The following MYH14 variants were observed in gnomAD, a reference collection of about 807,000 sequenced individuals.
MYH14 encodes myosin heavy chain 14.
A neutral mutation model predicts 255.5 loss-of-function variants in MYH14; 123 were observed. That is an observed-to-expected ratio of 0.48 (90% confidence interval 0.42 to 0.56). The LOEUF is 0.56. Among genes scored for constraint, MYH14 ranks in the 20% least tolerant of loss-of-function variants. The pLI is 0.00. For synonymous variants in MYH14, 1,095 were observed against 1,161.2 expected (o/e 0.94, Z 1.16); for missense variants, 2,423 against 2,802.3 (o/e 0.86, Z 3.06).
rs1049188771 is a variant in MYH14 at position 50,309,052 on chromosome 19, G to A, written c.5835G>A (p.Glu1945=). The change falls in exon 42 of 43, where the codon GAG becomes GAA. Residue 1945 remains glutamate, a synonymous_variant. Transcript: ENST00000642316. ...TCAAGCAGCTGAAGCGGCAGCTGGAGGAGGCCGAGGAGGAGGCATCCCGGG... is the reference window on the plus strand; with the variant it reads ...TCAAGCAGCTGAAGCGGCAGCTGGAAGAGGCCGAGGAGGAGGCATCCCGGG... The part of the protein sequence containing the change: ...LRVKQLKRQL[E]EAEEEASRAQ... 2 of 1,613,714 alleles carry A rather than the reference G, an allele frequency of 1.2e-6. No homozygotes were observed. Among genetic ancestry groups the A allele is most frequent in the Non-Finnish European group, 8.5e-7 (1 of 1,179,772 alleles).
At chr19:50,209,152 C>T (rs964956044) in intron 1 of MYH14, among the ~76,000 whole-genome samples, 2 of 152,008 alleles carry the variant, frequency 1.3e-5, no homozygotes, top group Non-Finnish European at 2.9e-5. Context: ...AGTGAAACCT[C>T]ATCTCAAAAT....
intron 40 of MYH14, 103 bp downstream of exon 40, chr19:50,301,972 G>C: frequency 2.1e-6 from 2 of 939,118 alleles, no homozygotes; most frequent in South Asian, 1.5e-5. Flanking sequence ...ACATCCAAAA[G>C]ACATCATCAT....
chr19:50,220,135 C>T (rs1240546982), intron 3 of MYH14, among the ~76,000 whole-genome samples: 2 of 152,022 alleles, frequency 1.3e-5, no homozygotes, highest in African/African-American at 2.4e-5. Flanking sequence ...CCCATCGGTG[C>T]CGCTCGCCAT....
chr19:50,228,552 C>G (rs377675048), intron 8 of MYH14, among the ~76,000 whole-genome samples: 34 of 152,088 alleles, frequency 2.2e-4, no homozygotes, highest in African/African-American at 7.7e-4. Flanking sequence ...CCCCAAGTCC[C>G]CAGCAGCACC....
chr19:50,282,696 C>T (rs771208998), intron 33 of MYH14, among the ~76,000 whole-genome samples: 9 of 151,754 alleles, frequency 5.9e-5, no homozygotes, highest in Non-Finnish European at 1.0e-4. Context: ...GAGCAAGACT[C>T]CATCTCAAAA....
rs1455755094 is a variant in MYH14 at position 50,257,321 on chromosome 19, A to G, written c.2067A>G (p.Glu689=). Reference sequence around the variant, plus strand: ...CAGTGGAGGGCATCGTGGGGCTGGAACAGGTGAGCAGCCTGGGCGACGGCC... The same window carrying G: ...CAGTGGAGGGCATCGTGGGGCTGGAGCAGGTGAGCAGCCTGGGCGACGGCC... ...PPGVEGIVGL[E]QVSSLGDGPP... Residue 689 remains glutamate (E), a synonymous_variant, in exon 18 of 43, where the codon GAA becomes GAG. Transcript: ENST00000642316. 25 of 1,607,576 alleles carry G rather than the reference A, an allele frequency of 1.6e-5. No individual in the cohort carries two copies. Among genetic ancestry groups the G allele is most frequent in the Non-Finnish European group, 2.1e-5 (25 of 1,176,472 alleles).
At chr19:50,243,738 T>G (rs1318239636) in intron 10 of MYH14, among the ~76,000 whole-genome samples, 1 of 152,240 alleles carries the variant, frequency 6.6e-6, no homozygotes, top group Non-Finnish European at 1.5e-5. Flanking sequence ...CAGCATTGTT[T>G]GTTTGCCTCC....
intron 39 of MYH14, among the ~76,000 whole-genome samples, chr19:50,296,980 T>TGTTTGTTTG (rs1255313033): frequency 1.5e-5 from 1 of 64,754 alleles, no homozygotes; most frequent in Non-Finnish European, 4.3e-5. Flanking sequence ...TTCTCTCTGT[T>TGTTTGTTTG]TTTTTTTGTT....
chr19:50,233,595 T>C (rs1346790461), intron 10 of MYH14, among the ~76,000 whole-genome samples: 2 of 152,160 alleles, frequency 1.3e-5, no homozygotes, highest in Non-Finnish European at 2.9e-5. Context: ...ATTGATTGTC[T>C]TGTGGTTCTG....
chr19:50,281,673 G>T lies in MYH14; in HGVS notation c.4370G>T (p.Arg1457Leu). 6.2e-7 allele frequency: 1 copy of T among 1,610,450 alleles called. No homozygotes were observed. The highest frequency in any genetic ancestry group is 8.5e-7 in the Non-Finnish European group (1 of 1,178,912). ...AGEEARRRAAREAEALTQRLA... is the reference protein window; with the variant it reads ...AGEEARRRAALEAEALTQRLA... ...GAGGAGGCACGGCGCCGGGCAGCCC[G>T]GGAGGCCGAGGCCCTGACCCAGCGC... The change falls in exon 33 of 43, where the codon CGG (arginine) becomes CTG (leucine). Residue 1457 changes from arginine (R) to leucine (L), a missense_variant. Physicochemically the swap from Arg to Leu is moderately radical, Grantham distance 102. This residue lies in a region of MYH14 where 1,513 missense variants were observed against 1,674.8 expected (regional missense o/e 0.90). Coordinates refer to ENST00000642316, the MANE Select transcript of MYH14 (RefSeq NM_001145809.2).
Position 50,221,860 on chromosome 19 carries a change from T to C in MYH14, c.563-1223T>C, listed in dbSNP as rs2032835980. 6.6e-6 allele frequency among the ~76,000 whole-genome samples: 1 copy of C among 152,176 alleles called. No individual in the cohort carries two copies. Among genetic ancestry groups the C allele is most frequent in the East Asian group, 1.9e-4 (1 of 5,180 alleles). ...CACTGGCCTTTCTGTCTCTCAAACA[T>C]TTCTAACTCAGAGCCTTTCCCCTGG... On this transcript the variant is annotated intron_variant, in intron 3 of 42. Coordinates refer to ENST00000642316, the MANE Select transcript of MYH14 (RefSeq NM_001145809.2). The surrounding 1 kb of genome is among the most constrained non-coding windows in gnomAD (Gnocchi z 5.3).
chr19:50,285,954 A>G (rs1403990049), intron 33 of MYH14: 1 of 152,290 alleles, frequency 6.6e-6, no homozygotes, highest in African/African-American at 2.4e-5. Context: ...TCTATTTTAC[A>G]GTTTCAAATC....
At chr19:50,288,373 A>G (rs755161647) in intron 34 of MYH14, among the ~76,000 whole-genome samples, 1 of 152,216 alleles carries the variant, frequency 6.6e-6, no homozygotes, top group Non-Finnish European at 1.5e-5. Flanking sequence ...TCTCCCTGAC[A>G]CAGACCTGGC....
chr19:50,309,336 C>A (rs928673300), intron 42 of MYH14, 159 bp downstream of exon 42: 2 of 717,714 alleles, frequency 2.8e-6, no homozygotes, highest in Middle Eastern at 3.1e-4. Flanking sequence ...AGAGCCAAAT[C>A]CAGGTAACTT....
intron 24 of MYH14, 57 bp downstream of exon 24, chr19:50,268,424 C>G: frequency 6.6e-7 from 1 of 1,504,460 alleles, no homozygotes; most frequent in Non-Finnish European, 9.0e-7. Context: ...TCTACACCAT[C>G]CACCTTTGCT....
At position 50,259,294 on chromosome 19, in the gene MYH14, C is replaced by T. The variant is rs762864648; in HGVS notation, c.2354+29C>T. The T allele has an allele frequency of 4.5e-6, 7 of 1,552,906 alleles. No individual in the cohort carries two copies. The African/African-American group carries it at 5.5e-5, about 12-fold the overall frequency. On this transcript the variant is annotated intron_variant, in intron 19 of 42. Transcript: ENST00000642316. ...AGCTAGAGCGAGGGCCCAGGCCCGG[C>T]GGAGGGGCTGGGTGGGACCCGGGTC... is the stretch of plus-strand genomic sequence containing the variant.
At chr19:50,236,046 T>G (rs1600906931) in intron 10 of MYH14, among the ~76,000 whole-genome samples, 1 of 120,232 alleles carries the variant, frequency 8.3e-6, no homozygotes, top group African/African-American at 3.0e-5. Flanking sequence ...AAAAAAAAAA[T>G]GCTAAGCCAG....
intron 30 of MYH14, among the ~76,000 whole-genome samples, chr19:50,279,582 G>A (rs866061216): frequency 1.6e-4 from 25 of 152,208 alleles, no homozygotes; most frequent in African/African-American, 4.6e-4. Flanking sequence ...GCAGTGAGCC[G>A]AGATTGCACC....
At chr19:50,223,220 C>T in intron 4 of MYH14, 27 bp from the exon 5 acceptor site, 3 of 1,612,336 alleles carry the variant, frequency 1.9e-6, no homozygotes, top group Non-Finnish European at 2.5e-6. Flanking sequence ...TTGCCAACCC[C>T]TTTGCTTCCC....
Sources: allele counts gnomAD v4.1 joint callset (sites outside exome capture counted in the v4.1 genomes callset), GRCh38; gene constraint gnomAD v4.1.1; regional missense constraint gnomAD v4.1.1; non-coding constraint Gnocchi (gnomAD v3.1); transcripts MANE v1.5; gene names NCBI Gene and HGNC (gene_info 2026-07-23, HGNC 2026-07-21).